The following HS3ST5 variants were observed in gnomAD, a reference collection of about 807,000 sequenced individuals.
HS3ST5 encodes the protein heparan sulfate-glucosamine 3-sulfotransferase 5.
A neutral mutation model predicts 25.4 loss-of-function variants in HS3ST5; 10 were observed. The ratio of observed to expected loss-of-function variants is 0.39; its 90% CI spans 0.24 to 0.67. The LOEUF is 0.67. HS3ST5 is among the 30% of genes least tolerant of loss of function. The pLI, the probability that HS3ST5 is intolerant of heterozygous loss-of-function variation, is 0.44. For synonymous variants in HS3ST5, 170 were observed against 162.4 expected, an observed-to-expected ratio of 1.05 and a Z score of -0.36; for missense variants, 324 against 420.7, an observed-to-expected ratio of 0.77 and a Z score of 2.01.
Position 114,057,296 on chromosome 6 carries a change from T to A in HS3ST5, c.1002A>T (p.Lys334Asn), listed in dbSNP as rs1772823241. 6.2e-7 allele frequency: 1 copy of A among 1,613,672 alleles called. No individual in the cohort carries two copies. Among genetic ancestry groups the A allele is most frequent in the African/African-American group, 1.3e-5 (1 of 74,890 alleles). Reference protein sequence around the residue: ...LRKFFHPFNQKFYQITGRTLN... With the variant: ...LRKFFHPFNQNFYQITGRTLN... ...ATGTCCTCCCAGTGATCTGGTAAAA[T>A]TTTTGATTAAAAGGATGAAAGAATT... Residue 334 changes from lysine (K) to asparagine (N), a missense_variant, in exon 5 of 5, where the codon AAA becomes AAT. Around this residue, in one of 2 missense-constraint regions of HS3ST5, gnomAD observed 203 missense variants for 303.4 expected, o/e 0.67. Coordinates refer to ENST00000312719, the MANE Select transcript of HS3ST5 (RefSeq NM_153612.4).
intron 3 of HS3ST5, among the ~76,000 whole-genome samples, chr6:114,155,133 A>G (rs952542826): frequency 1.7e-4 from 26 of 152,208 alleles, no homozygotes; most frequent in Admixed American, 1.6e-3. Context: ...TTGTAGAACA[A>G]TATCTCTCAG....
intron 1 of HS3ST5, among the ~76,000 whole-genome samples, chr6:114,290,337 C>T (rs1028861086): frequency 6.6e-6 from 1 of 152,108 alleles, no homozygotes; most frequent in Admixed American, 6.5e-5. Flanking sequence ...CAATCTATTG[C>T]TCTTTTTTGG....
chr6:114,204,391 G>T (rs896972288), intron 2 of HS3ST5, among the ~76,000 whole-genome samples: 4 of 152,074 alleles, frequency 2.6e-5, no homozygotes, highest in Non-Finnish European at 4.4e-5. Flanking sequence ...CCTTTTCTTT[G>T]AATGTAGGAC....
chr6:114,081,715 C>T (rs776161258), intron 3 of HS3ST5, among the ~76,000 whole-genome samples: 1 of 152,124 alleles, frequency 6.6e-6, no homozygotes, highest in African/African-American at 2.4e-5. Flanking sequence ...ATTTTTTAGT[C>T]AGAAATTTCA....
intron 2 of HS3ST5, among the ~76,000 whole-genome samples, chr6:114,183,904 G>A (rs1780079771): frequency 1.3e-5 from 2 of 152,056 alleles, no homozygotes; most frequent in Non-Finnish European, 2.9e-5. Flanking sequence ...ATTAAACAAT[G>A]GAAAATAAGT....
At chr6:114,165,591 G>T (rs939446206) in intron 3 of HS3ST5, among the ~76,000 whole-genome samples, 1 of 152,152 alleles carries the variant, frequency 6.6e-6, no homozygotes, top group Non-Finnish European at 1.5e-5. Flanking sequence ...AATGTCATGT[G>T]AGATGAGAAA....
chr6:114,140,452 G>A (rs1336002628), intron 3 of HS3ST5, among the ~76,000 whole-genome samples: 3 of 152,128 alleles, frequency 2.0e-5, no homozygotes, highest in African/African-American at 7.2e-5. Flanking sequence ...AAGATGTTGT[G>A]TGACTGGCTG....
intron 3 of HS3ST5, among the ~76,000 whole-genome samples, chr6:114,110,176 C>T (rs1776197274): frequency 6.6e-6 from 1 of 151,966 alleles, no homozygotes. Context: ...TTTGATTTTC[C>T]CTTAGCCTAC....
chr6:114,319,123 A>C (rs755191951), intron 1 of HS3ST5, among the ~76,000 whole-genome samples: 1 of 152,182 alleles, frequency 6.6e-6, no homozygotes, highest in Non-Finnish European at 1.5e-5. Context: ...GGTTTCTATT[A>C]AACATGATAC....
At chr6:114,162,635 T>C (rs1380777313) in intron 3 of HS3ST5, among the ~76,000 whole-genome samples, 2 of 152,190 alleles carry the variant, frequency 1.3e-5, no homozygotes, top group Non-Finnish European at 2.9e-5. Context: ...TCAAAGCCTT[T>C]GGCTGTCTGG....
intron 1 of HS3ST5, among the ~76,000 whole-genome samples, chr6:114,334,969 T>G (rs1185043886): frequency 6.6e-6 from 1 of 152,144 alleles, no homozygotes; most frequent in East Asian, 1.9e-4. Context: ...CTTATTGAAA[T>G]TAAATTACTC....
chr6:114,125,756 A>C (rs1362701860), intron 3 of HS3ST5, among the ~76,000 whole-genome samples: 1 of 152,220 alleles, frequency 6.6e-6, no homozygotes. Flanking sequence ...CAGTGTCTCA[A>C]ATATATCAAC....
At chr6:114,175,318 T>A (rs1031550382) in intron 2 of HS3ST5, among the ~76,000 whole-genome samples, 2 of 152,166 alleles carry the variant, frequency 1.3e-5, no homozygotes, top group African/African-American at 4.8e-5. Flanking sequence ...ATTGTTATTA[T>A]ATAATAAAGA....
chr6:114,156,972 G>C (rs774041692), intron 3 of HS3ST5, among the ~76,000 whole-genome samples: 1 of 151,890 alleles, frequency 6.6e-6, no homozygotes, highest in Non-Finnish European at 1.5e-5. Context: ...TTCATAAAAG[G>C]TTTCTCACCT....
intron 3 of HS3ST5, among the ~76,000 whole-genome samples, chr6:114,067,946 C>G (rs1773561068): frequency 6.6e-6 from 1 of 152,046 alleles, no homozygotes; most frequent in Non-Finnish European, 1.5e-5. Context: ...ATGTCTATCT[C>G]ACAGGGTTCT....
At chr6:114,175,699 A>G (rs1361081753) in intron 2 of HS3ST5, among the ~76,000 whole-genome samples, 1 of 152,212 alleles carries the variant, frequency 6.6e-6, no homozygotes, top group African/African-American at 2.4e-5. Context: ...AATAATTGCC[A>G]CAGCAGTATT....
intron 3 of HS3ST5, among the ~76,000 whole-genome samples, chr6:114,106,675 G>A (rs148217126): frequency 5.9e-5 from 9 of 152,168 alleles, no homozygotes; most frequent in Admixed American, 5.2e-4. Flanking sequence ...TGCTGGTTTA[G>A]AGCTGAAGCT....
At chr6:114,178,767 C>A (rs192446600) in intron 2 of HS3ST5, 1 of 151,934 alleles carries the variant, frequency 6.6e-6, no homozygotes, top group African/African-American at 2.4e-5. Flanking sequence ...ATAAAGCTTT[C>A]TTTTCAAAGG....
chr6:114,265,163 G>A (rs1346675594), intron 1 of HS3ST5, among the ~76,000 whole-genome samples: 1 of 152,170 alleles, frequency 6.6e-6, no homozygotes, highest in Non-Finnish European at 1.5e-5. Context: ...GGAATTACAG[G>A]TTTAAGCCAC....
Sources: gnomAD v4.1 joint callset for allele counts (sites outside exome capture counted in the v4.1 genomes callset) on GRCh38, gnomAD v4.1.1 for gene constraint, gnomAD v4.1.1 regional missense constraint, MANE v1.5 for transcripts, NCBI Gene and HGNC (gene_info 2026-07-23, HGNC 2026-07-21) for gene names.